Variants in TYW1B observed in about 807,000 individuals in gnomAD.
TYW1B encodes S-adenosyl-L-methionine-dependent tRNA 4-demethylwyosine synthase TYW1B.
In TYW1B, 73 loss-of-function variants were observed where a neutral mutation model predicts 86.9. That is an observed-to-expected ratio of 0.84 (90% CI 0.70 to 1.02). The LOEUF (loss-of-function observed/expected upper bound fraction) is 1.02, where lower values mean the gene tolerates loss of function less well. Ranked by LOEUF, TYW1B falls within the 50% of genes least tolerant of loss-of-function variation. The pLI is 0.00. For synonymous variants in TYW1B, 248 were observed against 292.8 expected (o/e 0.85, Z 1.56); for missense variants, 637 against 827.4 (o/e 0.77, Z 2.82).
rs561590640 is a variant in TYW1B, at chr7:72,812,002, T to G, written c.238-1337A>C. ...ATCTAATAAATTAAAGCAATAAAAA[T>G]TTTTAAACATTAAGTAATTTAACAC... On this transcript the variant is annotated intron_variant, in intron 3 of 13. Coordinates refer to ENST00000620995, the MANE Select transcript of TYW1B (RefSeq NM_001145440.3). Among the ~76,000 whole-genome samples, 634 of 151,306 alleles carry G rather than the reference T, an allele frequency of 4.2e-3. 2 individuals are homozygous for G. Among genetic ancestry groups the G allele is most frequent in the South Asian group, 0.011 (53 of 4,802 alleles).
chr7:72,743,385 A>G (rs1475179043), intron 8 of TYW1B, among the ~76,000 whole-genome samples: 1 of 152,156 alleles, frequency 6.6e-6, no homozygotes, highest in Non-Finnish European at 1.5e-5. Flanking sequence ...CTTCTTTCCT[A>G]GCATGCCTCA....
intron 11 of TYW1B, among the ~76,000 whole-genome samples, chr7:72,634,088 G>A (rs114681651): frequency 1.3e-5 from 2 of 152,122 alleles, no homozygotes; most frequent in Non-Finnish European, 1.5e-5. Context: ...CACTACTAGC[G>A]AACGATTTTA....
intron 11 of TYW1B, among the ~76,000 whole-genome samples, chr7:72,687,585 T>G (rs1213140282): frequency 1.3e-5 from 2 of 152,182 alleles, no homozygotes; most frequent in Admixed American, 1.3e-4. Flanking sequence ...ATATTATAAT[T>G]GAGTTATTAT....
chr7:72,622,288 G>A (rs1197897471), intron 12 of TYW1B, among the ~76,000 whole-genome samples: 1 of 152,004 alleles, frequency 6.6e-6, no homozygotes, highest in East Asian at 1.9e-4. Context: ...AGACTGGTAA[G>A]GAAAGAAAAG....
At chr7:72,785,290 T>C (rs2129572171) in intron 6 of TYW1B, among the ~76,000 whole-genome samples, 1 of 148,438 alleles carries the variant, frequency 6.7e-6, no homozygotes, top group African/African-American at 2.4e-5. Flanking sequence ...TTATAGTTAA[T>C]ATATTCTAAT....
chr7:72,767,093 T>C (rs1554468594), intron 7 of TYW1B, among the ~76,000 whole-genome samples: 2 of 151,988 alleles, frequency 1.3e-5, no homozygotes, highest in Non-Finnish European at 2.9e-5. Context: ...TTATCTTGTG[T>C]GCCTGAAGAC....
chr7:72,764,097 G>A (rs1448308052), intron 7 of TYW1B, among the ~76,000 whole-genome samples: 5 of 151,794 alleles, frequency 3.3e-5, no homozygotes, highest in African/African-American at 1.2e-4. Context: ...CTATGATCCT[G>A]GTTGTTATCT....
At chr7:72,808,880 A>G (rs1218552630) in intron 4 of TYW1B, among the ~76,000 whole-genome samples, 2 of 152,012 alleles carry the variant, frequency 1.3e-5, no homozygotes, top group Non-Finnish European at 2.9e-5. Flanking sequence ...ACACTCCACC[A>G]GAGACAGACA....
chr7:72,704,625 G>C (rs1214534835), intron 10 of TYW1B, among the ~76,000 whole-genome samples: 1 of 151,740 alleles, frequency 6.6e-6, no homozygotes, highest in African/African-American at 2.4e-5. Context: ...TCAAGTAATG[G>C]GTTTTGCCTT....
intron 7 of TYW1B, among the ~76,000 whole-genome samples, chr7:72,765,427 C>G (rs1787753562): frequency 6.6e-6 from 1 of 152,126 alleles, no homozygotes; most frequent in Non-Finnish European, 1.5e-5. Flanking sequence ...AATACTTGGT[C>G]ACAGTTCTCC....
At chr7:72,643,011 A>C (rs1223277412) in intron 11 of TYW1B, among the ~76,000 whole-genome samples, 1 of 152,248 alleles carries the variant, frequency 6.6e-6, no homozygotes, top group African/African-American at 2.4e-5. Context: ...TAAATAATCC[A>C]CATGATCACA....
intron 3 of TYW1B, among the ~76,000 whole-genome samples, chr7:72,812,668 C>T (rs1442706288): frequency 2.0e-5 from 3 of 151,738 alleles, no homozygotes; most frequent in African/African-American, 7.3e-5. Context: ...AAACTACAAT[C>T]CACGAGCCAC....
intron 13 of TYW1B, among the ~76,000 whole-genome samples, chr7:72,603,855 T>C (rs1811735106): frequency 6.6e-6 from 1 of 151,976 alleles, no homozygotes; most frequent in African/African-American, 2.4e-5. Context: ...CCCTCAAAGC[T>C]ATCAAGGTCA....
At chr7:72,787,674 G>A (rs1175701901) in intron 6 of TYW1B, among the ~76,000 whole-genome samples, 1 of 151,736 alleles carries the variant, frequency 6.6e-6, no homozygotes, top group Non-Finnish European at 1.5e-5. Flanking sequence ...GGGAGGCTGA[G>A]GCAGAACAAT....
intron 2 of TYW1B, among the ~76,000 whole-genome samples, chr7:72,817,084 T>C (rs1390386925): frequency 1.3e-5 from 2 of 151,968 alleles, no homozygotes; most frequent in East Asian, 1.9e-4. Flanking sequence ...TAACTCCCAA[T>C]AGTAAGCATG....
chr7:72,798,018 C>T (rs868982407), intron 6 of TYW1B, among the ~76,000 whole-genome samples: 128 of 96,814 alleles, frequency 1.3e-3, no homozygotes, highest in South Asian at 3.0e-3. Context: ...TATACACACA[C>T]ACACACACAC....
intron 11 of TYW1B, among the ~76,000 whole-genome samples, chr7:72,658,814 G>A (rs573199150): frequency 1.2e-4 from 18 of 152,234 alleles, no homozygotes; most frequent in East Asian, 3.9e-4. Context: ...TCCACCTCCC[G>A]TGTTCAAGCG....
chr7:72,692,205 C>CAAAAAAAA (rs1168197742), intron 11 of TYW1B, among the ~76,000 whole-genome samples: 9 of 62,784 alleles, frequency 1.4e-4, no homozygotes, highest in South Asian at 6.5e-4. Flanking sequence ...GACTCCATCT[C>CAAAAAAAA]AAAAAAAAAA....
intron 13 of TYW1B, among the ~76,000 whole-genome samples, chr7:72,586,126 C>T (rs1422071973): frequency 7.9e-5 from 12 of 152,168 alleles, no homozygotes; most frequent in Admixed American, 4.6e-4. Flanking sequence ...CACACATTAA[C>T]GCTAACCGAG....
Sources: allele counts gnomAD v4.1 joint callset (sites outside exome capture counted in the v4.1 genomes callset), GRCh38; gene constraint gnomAD v4.1.1; transcripts MANE v1.5; gene names NCBI Gene and HGNC (gene_info 2026-07-23, HGNC 2026-07-21).